The following CPNE9 variants were observed in gnomAD, a reference collection of about 807,000 sequenced individuals.
CPNE9 encodes the protein copine family member 9.
A neutral mutation model predicts 83.0 loss-of-function variants in CPNE9; 59 were observed. That is an observed-to-expected ratio of 0.71 (90% CI 0.58 to 0.88). The LOEUF (loss-of-function observed/expected upper bound fraction) is 0.88. CPNE9 is among the 40% of genes least tolerant of loss of function. The pLI is 0.00. For synonymous variants in CPNE9, 256 were observed against 273.4 expected (o/e 0.94, Z 0.63); for missense variants, 619 against 720.8 (o/e 0.86, Z 1.62).
chr3:9,726,796 C>G, intron 19 of CPNE9, 74 bp downstream of exon 19: 1 of 1,345,526 alleles, frequency 7.4e-7, no homozygotes, highest in Non-Finnish European at 1.1e-6. Context: ...GGTACTTGGG[C>G]CTGCCTCACA....
chr3:9,706,380 C>T (rs1267608796), intron 7 of CPNE9, among the ~76,000 whole-genome samples: 6 of 152,038 alleles, frequency 3.9e-5, no homozygotes, highest in African/African-American at 1.2e-4. Context: ...GAAGCTCCCC[C>T]GGACTAAGTC....
chr3:9,723,098 GAGTA>G (rs1394385838), intron 17 of CPNE9, among the ~76,000 whole-genome samples: 2 of 152,216 alleles, frequency 1.3e-5, no homozygotes, highest in East Asian at 1.9e-4. Context: ...TTTATGAAAT[GAGTA>G]AGTGACAGGA....
At chr3:9,717,438 G>A (rs2076693987) in intron 15 of CPNE9, among the ~76,000 whole-genome samples, 1 of 152,174 alleles carries the variant, frequency 6.6e-6, no homozygotes, top group Non-Finnish European at 1.5e-5. Flanking sequence ...GGGTTGGTGA[G>A]TATAATAGGT....
intron 17 of CPNE9, among the ~76,000 whole-genome samples, chr3:9,724,350 GGCCCAGCA>G (rs2076758537): frequency 6.6e-6 from 1 of 152,160 alleles, no homozygotes; most frequent in South Asian, 2.1e-4. Context: ...GACTGCATGG[GGCCCAGCA>G]GCCCAGGCGA....
At chr3:9,712,474 A>G in intron 7 of CPNE9, 67 bp from the exon 8 acceptor site, 3 of 1,319,596 alleles carry the variant, frequency 2.3e-6, no homozygotes, top group Non-Finnish European at 3.3e-6. Context: ...ACCTAACCCC[A>G]GACTGGCCAC....
At chr3:9,717,188 G>T in intron 15 of CPNE9, 84 bp downstream of exon 15, 2 of 1,452,986 alleles carry the variant, frequency 1.4e-6, no homozygotes, top group South Asian at 2.3e-5. Flanking sequence ...TTCCTACCTA[G>T]AGATAAGAGT....
At chr3:9,724,618 C>T (rs1174411416) in intron 17 of CPNE9, among the ~76,000 whole-genome samples, 1 of 152,128 alleles carries the variant, frequency 6.6e-6, no homozygotes, top group East Asian at 1.9e-4. Context: ...CCTTGCTGTT[C>T]CCCCTTCCTA....
At chr3:9,705,098 G>A (rs538641817) in intron 4 of CPNE9, 104 bp downstream of exon 4, 21 of 827,816 alleles carry the variant, frequency 2.5e-5, no homozygotes, top group Non-Finnish European at 3.4e-5. Flanking sequence ...GGTTCTTCTC[G>A]CAGGCCTCCC....
At chr3:9,709,989 C>CA (rs542047036) in intron 7 of CPNE9, among the ~76,000 whole-genome samples, 616 of 56,640 alleles carry the variant, frequency 0.011, 1 homozygote, top group Middle Eastern at 0.045. Context: ...GACTCCATCT[C>CA]AAAAAAAAAA....
intron 7 of CPNE9, among the ~76,000 whole-genome samples, chr3:9,707,994 G>A (rs1174481979): frequency 1.3e-5 from 2 of 152,146 alleles, no homozygotes; most frequent in Non-Finnish European, 2.9e-5. Flanking sequence ...GCTGGAGCGC[G>A]ATGGTGCAAT....
At chr3:9,726,570 G>C in intron 18 of CPNE9, 95 bp from the exon 19 acceptor site, 1 of 953,476 alleles carries the variant, frequency 1.0e-6, no homozygotes, top group Non-Finnish European at 1.7e-6. Context: ...AAGATGTGCA[G>C]AACCATGACA....
Position 9,718,063 on chromosome 3 carries a change from G to A in CPNE9, c.966G>A (p.Met322Ile), listed in dbSNP as rs1559642334. The A allele has an allele frequency of 6.2e-7, 1 of 1,613,930 alleles. No individual in the cohort carries two copies. ...NPLQPTSLHY[M>I]SPYQLSAYAM... Reference sequence around the variant, plus strand: ...TGCAGCCTACCTCCCTGCACTACATGAGTCCCTACCAGCTCAGCGCCTATG... The same window carrying A: ...TGCAGCCTACCTCCCTGCACTACATAAGTCCCTACCAGCTCAGCGCCTATG... The change falls in exon 16 of 21, where the codon ATG becomes ATA. Residue 322 changes from methionine (M) to isoleucine (I), a missense_variant. Transcript: ENST00000383832.
In CPNE9 at chr3:9,715,207, GA is replaced by G. The variant is rs1248069321; in HGVS notation, c.693-81del. On this transcript the variant is annotated intron_variant, in intron 11 of 20. Transcript: ENST00000383832. ...CCCTGCAGCCTAAGTAGGGGCTTAG[GA>G]TAGGAGGAATAAAAGACTGGGTTCA... 5 of 1,466,020 alleles carry G rather than the reference GA, an allele frequency of 3.4e-6. No homozygotes were observed. In the African/African-American group the frequency reaches 7.0e-5, roughly 20 times the overall value. The allele number at this position is 1,466,020 out of a possible 1,614,324, so 90.8% of individuals were successfully genotyped here.
intron 17 of CPNE9, 75 bp from the exon 18 acceptor site, chr3:9,725,874 T>C: frequency 8.9e-7 from 1 of 1,122,342 alleles, no homozygotes; most frequent in East Asian, 2.4e-5. Context: ...ACACTGGCTG[T>C]GGAAGCTCTG....
chr3:9,729,691 G>A lies in CPNE9; in HGVS notation c.1661G>A (p.Ter554=), dbSNP rs1240762296. Residue 554 remains the stop codon, a stop_retained_variant, in exon 21 of 21, where the codon TGA becomes TAA. Transcript: ENST00000383832. The stretch of plus-strand genomic sequence containing the variant: ...CCGATCCCAGCTCCAGAGCAGCCCT[G>A]AGGATTCCACATATCCAATGCCTCA... ...PSPIPAPEQP[*] 1.2e-6 allele frequency: 2 copies of A among 1,611,256 alleles called. No homozygotes were observed. Among genetic ancestry groups the A allele is most frequent in the Non-Finnish European group, 1.7e-6 (2 of 1,178,124 alleles).
At chr3:9,716,762 G>A (rs550463673) in intron 14 of CPNE9, among the ~76,000 whole-genome samples, 16 of 152,326 alleles carry the variant, frequency 1.1e-4, no homozygotes, top group Middle Eastern at 3.4e-3. Flanking sequence ...GAGCCACGGC[G>A]CCCAGCCAAA....
rs574855653 is a variant in CPNE9, at chr3:9,705,725, G to A, written c.300+5G>A. ...CACTGCTGGGACCTGCAGAAGGTGAGGCTGAATGGGGCTGGGCAGAGGTTG... is the reference window on the plus strand; with the variant it reads ...CACTGCTGGGACCTGCAGAAGGTGAAGCTGAATGGGGCTGGGCAGAGGTTG... On this transcript the variant is annotated splice_donor_5th_base_variant and intron_variant, in intron 6 of 20. Transcript: ENST00000383832. 1 of 1,613,884 alleles carries A rather than the reference G, an allele frequency of 6.2e-7. No individual in the cohort carries two copies. The highest frequency in any genetic ancestry group is 1.1e-5 in the South Asian group (1 of 91,052).
chr3:9,716,460 T>C (rs1358758851), intron 14 of CPNE9, among the ~76,000 whole-genome samples: 1 of 148,690 alleles, frequency 6.7e-6, no homozygotes, highest in African/African-American at 2.5e-5. Flanking sequence ...ACTTTTCTCC[T>C]ATGTAAAATG....
At chr3:9,725,846 T>A in intron 17 of CPNE9, 103 bp from the exon 18 acceptor site, 1 of 862,946 alleles carries the variant, frequency 1.2e-6, no homozygotes. Flanking sequence ...GAAGCCCCAG[T>A]TCCTGCCCAC....
Sources: gnomAD v4.1 joint callset for allele counts (sites outside exome capture counted in the v4.1 genomes callset) on GRCh38, gnomAD v4.1.1 for gene constraint, MANE v1.5 for transcripts, NCBI Gene and HGNC (gene_info 2026-07-23, HGNC 2026-07-21) for gene names.